Variants in PMF1 observed in about 807,000 individuals in gnomAD.
PMF1 encodes the protein polyamine modulated factor 1, also known as polyamine-modulated factor 1.
A neutral mutation model predicts 26.7 loss-of-function variants in PMF1; 21 were observed. The ratio of observed to expected loss-of-function variants is 0.79; its 90% CI spans 0.56 to 1.13. The LOEUF (loss-of-function observed/expected upper bound fraction) is 1.13, where lower values mean the gene tolerates loss of function less well. Among genes scored for constraint, PMF1 ranks in the 50% most tolerant of loss-of-function variants. The probability of loss-of-function intolerance (pLI) is 0.00; values close to 1 mark genes in which losing one functional copy is unlikely to be tolerated. For missense variants in PMF1, 266 were observed against 254.9 expected (o/e 1.04, Z -0.30); for synonymous variants, 105 against 101.0 (o/e 1.04, Z -0.24).
At chr1:156,217,139 C>T (rs1657802421) in intron 1 of PMF1, among the ~76,000 whole-genome samples, 1 of 148,408 alleles carries the variant, frequency 6.7e-6, no homozygotes, top group African/African-American at 2.5e-5. Context: ...GGCTAGATGA[C>T]GAGTTAGTGG....
chr1:156,237,535 T>C (rs1300296477), intron 4 of PMF1, among the ~76,000 whole-genome samples: 1 of 146,758 alleles, frequency 6.8e-6, no homozygotes, highest in Non-Finnish European at 1.5e-5. Flanking sequence ...CAACCTCCAC[T>C]TCCCAGGTTC....
In PMF1 at chr1:156,236,414, CG is replaced by C; in HGVS notation, c.496del (p.Val166SerfsTer36). 1 of 1,614,190 alleles carries C rather than the reference CG, an allele frequency of 6.2e-7. No individual in the cohort carries two copies. The highest frequency in any genetic ancestry group is 8.5e-7 in the Non-Finnish European group (1 of 1,180,010). On this transcript the variant is annotated frameshift_variant, in exon 4 of 5. Coordinates refer to ENST00000368277, the MANE Select transcript of PMF1 (RefSeq NM_007221.4). LOFTEE classifies it high-confidence loss of function. ...EAENQQLADA[V>X]LAGRRQVEEL... Reference sequence around the variant, plus strand: ...CCGAGAACCAGCAGCTGGCAGATGCCGTCCTGGCAGGGCGGAGGCAGGTGGA... The same window carrying C: ...CCGAGAACCAGCAGCTGGCAGATGCCTCCTGGCAGGGCGGAGGCAGGTGGA...
At chr1:156,213,699 T>G (rs1290978547) in intron 1 of PMF1, among the ~76,000 whole-genome samples, 1 of 152,104 alleles carries the variant, frequency 6.6e-6, no homozygotes, top group Non-Finnish European at 1.5e-5. Flanking sequence ...CCTCGTCGGC[T>G]TCTTGTCAGT....
rs147631009 is a variant in PMF1 at position 156,222,888 on chromosome 1, G to A, written c.162-9432G>A. Among the ~76,000 whole-genome samples, 502 of 152,328 alleles carry A rather than the reference G, an allele frequency of 3.3e-3. 1 individual carries two copies. The highest frequency in any genetic ancestry group is 0.012 in the African/African-American group (482 of 41,570). On this transcript the variant is annotated intron_variant, in intron 1 of 4. Transcript: ENST00000368277. ...CTTCTGGCCTGGGATATGCCGCACA[G>A]GGTAAGATGTGTAAAGTGACTTAAA...
intron 4 of PMF1, among the ~76,000 whole-genome samples, chr1:156,237,849 T>A (rs1659124172): frequency 6.6e-6 from 1 of 152,122 alleles, no homozygotes; most frequent in Non-Finnish European, 1.5e-5. Context: ...CTCCGCTTCC[T>A]GGGTTCAAGT....
At chr1:156,231,125 G>T (rs1046453435) in intron 1 of PMF1, among the ~76,000 whole-genome samples, 1 of 148,610 alleles carries the variant, frequency 6.7e-6, no homozygotes, top group Admixed American at 6.9e-5. Flanking sequence ...GCTGAGGCAG[G>T]AGAATGGTGT....
intron 1 of PMF1, among the ~76,000 whole-genome samples, chr1:156,224,384 T>C (rs1426787730): frequency 2.0e-5 from 3 of 152,224 alleles, no homozygotes; most frequent in Non-Finnish European, 2.9e-5. Context: ...AGAATCCTAA[T>C]TGTACCTGTC....
Position 156,239,548 on chromosome 1 carries a change from G to C in PMF1, c.565G>C (p.Ala189Pro), listed in dbSNP as rs202060317. ...GTCTGTTGTCTCCCATTGATTTCAG[G>C]CTCTACACAGAGAACAGAGGGAGCT... Reference protein sequence around the residue: ...QVQAQQQAWQALHREQRELVA... With the variant: ...QVQAQQQAWQPLHREQRELVA... The change falls in exon 5 of 5, where the codon GCT becomes CCT. Residue 189 changes from alanine to proline, a missense_variant and splice_region_variant. Physicochemically the swap from Ala to Pro is conservative, Grantham distance 27. Transcript: ENST00000368277. The C allele has an allele frequency of 3.1e-6, 5 of 1,612,894 alleles. No individual in the cohort carries two copies. In the East Asian group the frequency reaches 6.7e-5, roughly 22 times the overall value.
At chr1:156,232,917 T>C (rs61814763) in intron 2 of PMF1, among the ~76,000 whole-genome samples, 1 of 131,186 alleles carries the variant, frequency 7.6e-6, no homozygotes, top group African/African-American at 3.2e-5. Flanking sequence ...ATTTTTTTCT[T>C]CCTTTTTTTT....
intron 1 of PMF1, among the ~76,000 whole-genome samples, chr1:156,222,446 G>A (rs1257451815): frequency 2.0e-5 from 3 of 151,882 alleles, no homozygotes; most frequent in African/African-American, 7.3e-5. Flanking sequence ...GCAATGGCAC[G>A]ATCTCAGCTT....
rs1198921965 is a variant in PMF1, at chr1:156,239,644, AGCCTGTGGTCCAGCAT to A, written c.*49_*64del. 6.4e-7 allele frequency: 1 copy of A among 1,562,044 alleles called. No individual in the cohort carries two copies. The highest frequency in any genetic ancestry group is 8.8e-7 in the Non-Finnish European group (1 of 1,134,816). ...GAAGCAGAGGGCAGTCAAGGTCAAG[AGCCTGTGGTCCAGCAT>A]GCCTGGCCTGGGCGGGCTACCTCTG... is the stretch of plus-strand genomic sequence containing the variant. On this transcript the variant is annotated 3_prime_UTR_variant, in exon 5 of 5. Transcript: ENST00000368277.
chr1:156,233,742 G>C lies in PMF1; in HGVS notation c.368+14G>C, dbSNP rs1658848914. 6 of 1,611,540 alleles carry C rather than the reference G, an allele frequency of 3.7e-6. No individual in the cohort carries two copies. The highest frequency in any genetic ancestry group is 5.1e-6 in the Non-Finnish European group (6 of 1,178,552). ...AGAGCCAGCCTGGTGAGAGTGGGGTGGGGAGGTGAGAAGGTACAGGAAAGA... is the reference window on the plus strand; with the variant it reads ...AGAGCCAGCCTGGTGAGAGTGGGGTCGGGAGGTGAGAAGGTACAGGAAAGA... On this transcript the variant is annotated intron_variant, in intron 3 of 4. Coordinates refer to ENST00000368277, the MANE Select transcript of PMF1 (RefSeq NM_007221.4).
chr1:156,239,941 T>C lies in PMF1; in HGVS notation c.*340T>C. ...TTTTCCCTGGCCCTGGCTTGGAGAA[T>C]CTGTTTTCAATCTCCACTGATTGCC... is the stretch of plus-strand genomic sequence containing the variant. On this transcript the variant is annotated 3_prime_UTR_variant, in exon 5 of 5. Transcript: ENST00000368277. The C allele has an allele frequency of 3.3e-6, 1 of 300,460 alleles. No individual in the cohort carries two copies. The highest frequency in any genetic ancestry group is 6.1e-5 in the South Asian group (1 of 16,358). 18.6% of individuals were successfully genotyped at this position (300,460 alleles called of 1,614,324 possible). A position where few individuals can be genotyped will look rare whatever the true frequency, so the allele number is the denominator to read the frequency against.
At chr1:156,217,735 A>AC (rs1359149572) in intron 1 of PMF1, among the ~76,000 whole-genome samples, 4 of 152,114 alleles carry the variant, frequency 2.6e-5, no homozygotes, top group African/African-American at 9.7e-5. Flanking sequence ...CTCAAAAAAA[A>AC]AAAAAAAACA....
intron 2 of PMF1, among the ~76,000 whole-genome samples, 173 bp downstream of exon 2, chr1:156,232,598 G>A (rs1658779477): frequency 6.6e-6 from 1 of 152,154 alleles, no homozygotes; most frequent in African/African-American, 2.4e-5. Flanking sequence ...AAATGATGCG[G>A]GTATCTTAGA....
intron 1 of PMF1, among the ~76,000 whole-genome samples, chr1:156,231,527 A>AC (rs1290746295): frequency 1.3e-5 from 2 of 151,626 alleles, no homozygotes; most frequent in Non-Finnish European, 2.9e-5. Context: ...ACACGGTGAA[A>AC]CCCCATCTCT....
chr1:156,231,840 G>A (rs1658728836), intron 1 of PMF1, among the ~76,000 whole-genome samples: 2 of 152,224 alleles, frequency 1.3e-5, no homozygotes, highest in Admixed American at 6.5e-5. Flanking sequence ...TTGCCAAAGA[G>A]CATCACCTGG....
chr1:156,225,719 A>G (rs1263560381), intron 1 of PMF1: 1 of 866,458 alleles, frequency 1.2e-6, no homozygotes, highest in African/African-American at 1.7e-5. Flanking sequence ...ACACCGTGAT[A>G]TTGTGTTACC....
At chr1:156,233,781 CTTTTT>C in intron 3 of PMF1, 53 bp downstream of exon 3, 5 of 1,260,236 alleles carry the variant, frequency 4.0e-6, no homozygotes, top group East Asian at 2.7e-5. Flanking sequence ...AGCAATTAAG[CTTTTT>C]TTTTTTTTTT....
Sources: allele counts gnomAD v4.1 joint callset (sites outside exome capture counted in the v4.1 genomes callset), GRCh38; gene constraint gnomAD v4.1.1; transcripts MANE v1.5; gene names NCBI Gene and HGNC (gene_info 2026-07-23, HGNC 2026-07-21).